LRRC27: variants seen among roughly 807,000 people sequenced by gnomAD.
The protein encoded by LRRC27 is leucine rich repeat containing 27.
LRRC27 carries 57 observed loss-of-function variants against 55.0 expected under a neutral mutation model. The ratio of observed to expected loss-of-function variants is 1.04; its 90% CI spans 0.84 to 1.29. The LOEUF (loss-of-function observed/expected upper bound fraction) is 1.29. Ranked by LOEUF, LRRC27 falls within the 50% of genes most tolerant of loss-of-function variation. The pLI is 0.00. For missense variants in LRRC27, 721 were observed against 651.5 expected, an observed-to-expected ratio of 1.11 and a Z score of -1.16; for synonymous variants, 278 against 251.9, an observed-to-expected ratio of 1.10 and a Z score of -0.98.
intron 10 of LRRC27, among the ~76,000 whole-genome samples, chr10:132,370,856 A>G (rs2069195628): frequency 6.6e-6 from 1 of 152,226 alleles, no homozygotes; most frequent in African/African-American, 2.4e-5. Context: ...TAGGGAACCT[A>G]TTTGTATAAT....
chr10:132,370,364 C>G (rs543401819), intron 10 of LRRC27, among the ~76,000 whole-genome samples: 2 of 152,344 alleles, frequency 1.3e-5, no homozygotes, highest in East Asian at 3.9e-4. Flanking sequence ...ACATAAACAC[C>G]CGCTAACTTC....
intron 3 of LRRC27, among the ~76,000 whole-genome samples, chr10:132,340,271 T>C (rs911002853): frequency 1.3e-5 from 2 of 152,226 alleles, no homozygotes; most frequent in African/African-American, 2.4e-5. Context: ...TCGTTTAAAG[T>C]GTGCTCAGAA....
chr10:132,330,549 C>A (rs879071196), upstream of LRRC27: 2 of 715,128 alleles, frequency 2.8e-6, 1 homozygote, highest in South Asian at 3.0e-5. Flanking sequence ...TCGCTGTCAC[C>A]GAAGCTGACA....
At chr10:132,331,376 C>T (rs1336250446), upstream of LRRC27, 5 of 1,529,422 alleles carry the variant, frequency 3.3e-6, no homozygotes, top group Non-Finnish European at 3.5e-6. Context: ...CACCTCCCCT[C>T]CCGCCCGGTG....
chr10:132,368,779 A>G (rs1365069876), intron 10 of LRRC27, among the ~76,000 whole-genome samples: 1 of 152,274 alleles, frequency 6.6e-6, no homozygotes, highest in East Asian at 1.9e-4. Flanking sequence ...AGCAAGATCC[A>G]TGACAGAAAT....
intron 10 of LRRC27, among the ~76,000 whole-genome samples, chr10:132,369,472 C>G (rs778640394): frequency 7.2e-5 from 11 of 152,066 alleles, no homozygotes; most frequent in African/African-American, 2.7e-4. Flanking sequence ...ACGGGGGAGC[C>G]GACATGCCAG....
chr10:132,344,810 C>T lies in LRRC27; in HGVS notation c.553+160C>T, dbSNP rs1037316102. ...CAGTGTACACTGATCTCAGGCCGAC[C>T]CAGTCATCTCTGTGACTTTTCCTTG... On this transcript the variant is annotated intron_variant, in intron 5 of 10. Transcript: ENST00000368614. The T allele has an allele frequency of 9.4e-6, 6 of 638,478 alleles. No homozygotes were observed. In the African/African-American group the frequency reaches 1.1e-4, roughly 12 times the overall value. The allele number at this position is 638,478 out of a possible 1,614,324, so 39.6% of individuals were successfully genotyped here.
chr10:132,358,366 G>A (rs1409220127), intron 8 of LRRC27, among the ~76,000 whole-genome samples: 7 of 103,150 alleles, frequency 6.8e-5, no homozygotes, highest in Admixed American at 2.0e-4. Context: ...GGAGCAGCGT[G>A]GGGAGGAGCC....
At chr10:132,355,064 G>A (rs72863805) in intron 7 of LRRC27, among the ~76,000 whole-genome samples, 2,146 of 152,270 alleles carry the variant, frequency 0.014, 27 homozygotes, top group Non-Finnish European at 0.021. Flanking sequence ...GCCCGAAGAC[G>A]CCTGTTCTTG....
chr10:132,348,905 CT>C lies in LRRC27; in HGVS notation c.926+552del. 3 of 1,306,736 alleles carry C rather than the reference CT, an allele frequency of 2.3e-6. No individual in the cohort carries two copies. Among genetic ancestry groups the C allele is most frequent in the Non-Finnish European group, 3.2e-6 (3 of 926,788 alleles). 80.9% of individuals were successfully genotyped at this position (1,306,736 alleles called of 1,614,324 possible). A position where few individuals can be genotyped will look rare whatever the true frequency, so the allele number is the denominator to read the frequency against. On this transcript the variant is annotated intron_variant, in intron 6 of 10. Coordinates refer to ENST00000368614, the MANE Select transcript of LRRC27 (RefSeq NM_030626.3). The surrounding 1 kb of genome is among the most constrained non-coding windows in gnomAD (Gnocchi z 4.2). ...TGTGTGGCCCACTTCCAAAGCTTGC[CT>C]TTGCCTTTGGTACAGTGAGTTTGGG...
upstream of LRRC27, chr10:132,331,720 C>G (rs562443497): frequency 3.6e-5 from 58 of 1,612,640 alleles, 1 homozygote; most frequent in South Asian, 5.8e-4. Context: ...TCCGGCTCCC[C>G]AGACGGCACT....
chr10:132,354,264 G>T (rs1010046015), intron 7 of LRRC27, among the ~76,000 whole-genome samples: 1 of 152,214 alleles, frequency 6.6e-6, no homozygotes, highest in Non-Finnish European at 1.5e-5. Flanking sequence ...CCTGCCTGGA[G>T]CCCAGAGCCA....
intron 2 of LRRC27, chr10:132,336,975 T>G: frequency 1.4e-6 from 1 of 737,662 alleles, no homozygotes; most frequent in South Asian, 2.2e-5. Flanking sequence ...CCACCTTCCC[T>G]TATTTGTCAC....
At position 132,375,326 on chromosome 10, in the gene LRRC27, C is replaced by G; in HGVS notation, c.*84C>G. On this transcript the variant is annotated 3_prime_UTR_variant, in exon 11 of 11. Coordinates refer to ENST00000368614, the MANE Select transcript of LRRC27 (RefSeq NM_030626.3). The stretch of plus-strand genomic sequence containing the variant: ...CCGGGCGTCGCCTCCTGTGTGGTGC[C>G]GGAAGAGCGCCAGGTTCAGTGTTAC... 2.3e-6 allele frequency: 3 copies of G among 1,310,578 alleles called. No individual in the cohort carries two copies. The Admixed American group carries it at 6.5e-5, about 28-fold the overall frequency. The allele number at this position is 1,310,578 out of a possible 1,614,324, so 81.2% of individuals were successfully genotyped here.
chr10:132,338,685 T>A (rs556859552), intron 3 of LRRC27, among the ~76,000 whole-genome samples: 3 of 151,960 alleles, frequency 2.0e-5, no homozygotes, highest in African/African-American at 7.2e-5. Flanking sequence ...ATGATTGCCC[T>A]TAACTCTTTT....
At chr10:132,331,658 G>A (rs924157159), upstream of LRRC27, 1 of 1,612,824 alleles carries the variant, frequency 6.2e-7, no homozygotes, top group South Asian at 1.1e-5. Flanking sequence ...TGCCTCAGCA[G>A]CAATTCTTTT....
chr10:132,332,627 G>A (rs1025634513), intron 1 of LRRC27: 1 of 152,018 alleles, frequency 6.6e-6, no homozygotes, highest in Non-Finnish European at 1.5e-5. Flanking sequence ...TAAGTTCCGT[G>A]ATTCGGAGAA....
chr10:132,355,880 G>A lies in LRRC27; in HGVS notation c.1164G>A (p.Arg388=). The A allele has an allele frequency of 3.9e-6, 6 of 1,553,522 alleles. No individual in the cohort carries two copies. The highest frequency in any genetic ancestry group is 5.2e-6 in the Non-Finnish European group (6 of 1,148,006). The part of the protein sequence containing the change: ...EELSKLLPPR[R]SMVASKIPSA... Reference sequence around the variant, plus strand: ...TCAGCAAACTCCTGCCTCCGCGGAGGAGCATGGTACGGCACGCGCGGGCGG... The same window carrying A: ...TCAGCAAACTCCTGCCTCCGCGGAGAAGCATGGTACGGCACGCGCGGGCGG... The change falls in exon 8 of 11, where the codon AGG becomes AGA. Residue 388 remains arginine, a synonymous_variant. Transcript: ENST00000368614.
At position 132,381,166 on chromosome 10, in the gene LRRC27, A is replaced by G. The variant is rs1590746423; in HGVS notation, c.*5924A>G. On this transcript the variant is annotated 3_prime_UTR_variant, in exon 11 of 11. Coordinates refer to ENST00000368614, the MANE Select transcript of LRRC27 (RefSeq NM_030626.3). ...AGGCACCATCCAGTCGGCTGCCAGC[A>G]TGGCTGGAAAAAGCAGGCAGAAGAA... 2.0e-5 allele frequency among the ~76,000 whole-genome samples: 3 copies of G among 152,370 alleles called. No homozygotes were observed. The highest frequency in any genetic ancestry group is 7.2e-5 in the African/African-American group (3 of 41,594).
Sources: allele counts gnomAD v4.1 joint callset (sites outside exome capture counted in the v4.1 genomes callset), GRCh38; gene constraint gnomAD v4.1.1; non-coding constraint Gnocchi (gnomAD v3.1); transcripts MANE v1.5; gene names NCBI Gene and HGNC (gene_info 2026-07-23, HGNC 2026-07-21).